The following BTRC variants were observed in gnomAD, a reference collection of about 807,000 sequenced individuals.
BTRC encodes F-box/WD repeat-containing protein 1A.
In BTRC, 42 loss-of-function variants were observed where a neutral mutation model predicts 85.5. That is an observed-to-expected ratio of 0.49 (90% CI 0.38 to 0.64). The LOEUF is 0.64. Ranked by LOEUF, BTRC falls within the 30% of genes least tolerant of loss-of-function variation. The pLI, the probability that BTRC is intolerant of heterozygous loss-of-function variation, is 0.00. For missense variants in BTRC, 594 were observed against 743.5 expected, an observed-to-expected ratio of 0.80 and a Z score of 2.34; for synonymous variants, 255 against 263.3, an observed-to-expected ratio of 0.97 and a Z score of 0.30.
chr10:101,416,647 C>T (rs1943954269), intron 1 of BTRC, among the ~76,000 whole-genome samples: 2 of 152,096 alleles, frequency 1.3e-5, no homozygotes, highest in Admixed American at 1.3e-4. Flanking sequence ...CATGAGACTG[C>T]TGAAATACAC....
chr10:101,363,769 G>A (rs77691531), intron 1 of BTRC, among the ~76,000 whole-genome samples: 10,118 of 152,228 alleles, frequency 0.066, 354 homozygotes, highest in Non-Finnish European at 0.074. Flanking sequence ...GATTTTGACA[G>A]ATATCTCTCT....
chr10:101,527,506 A>G (rs545662322), intron 6 of BTRC, among the ~76,000 whole-genome samples: 16 of 152,196 alleles, frequency 1.1e-4, no homozygotes, highest in Non-Finnish European at 2.2e-4. Flanking sequence ...TAATCCCAAC[A>G]GTTTTGGAGG....
At chr10:101,532,779 TGTGTGTGTGTGCGCGTGTGCGC>T (rs1391336183) in intron 8 of BTRC, among the ~76,000 whole-genome samples, 151 bp from the exon 9 acceptor site, 64 of 81,526 alleles carry the variant, frequency 7.9e-4, no homozygotes, top group South Asian at 1.5e-3. Context: ...TGTGTGTGTG[TGTGTGTGTGTGCGCGTGTGCGC>T]GCGCGCGCGC....
chr10:101,451,221 G>T (rs752390473), intron 2 of BTRC, among the ~76,000 whole-genome samples: 3 of 152,132 alleles, frequency 2.0e-5, no homozygotes, highest in Non-Finnish European at 4.4e-5. Context: ...GTATAATCAG[G>T]TTGATGTTTT....
At chr10:101,417,314 C>CT (rs1943973029) in intron 1 of BTRC, among the ~76,000 whole-genome samples, 1 of 152,180 alleles carries the variant, frequency 6.6e-6, no homozygotes, top group Admixed American at 6.5e-5. Context: ...GTTCTTCAGT[C>CT]TTTCCTTGGC....
chr10:101,534,556 T>C lies in BTRC; in HGVS notation c.1098-105T>C, dbSNP rs1452753820. 14 of 1,423,820 alleles carry C rather than the reference T, an allele frequency of 9.8e-6. No homozygotes were observed. In the East Asian group the frequency reaches 3.2e-4, roughly 33 times the overall value. 88.2% of individuals were successfully genotyped at this position (1,423,820 alleles called of 1,614,324 possible). ...CCCCTTCCTTCTCCCACTCTCCCAG[T>C]CTGGCCCTCTCTCTAAATATAAGGG... is the stretch of plus-strand genomic sequence containing the variant. On this transcript the variant is annotated intron_variant, in intron 9 of 14. Coordinates refer to ENST00000370187, the MANE Select transcript of BTRC (RefSeq NM_033637.4).
intron 1 of BTRC, among the ~76,000 whole-genome samples, chr10:101,368,951 G>A (rs538935117): frequency 2.0e-5 from 3 of 152,196 alleles, no homozygotes; most frequent in South Asian, 4.1e-4. Flanking sequence ...CCTGGGAGGC[G>A]GAGGTTGCAG....
intron 4 of BTRC, among the ~76,000 whole-genome samples, chr10:101,521,363 T>C (rs1257357273): frequency 6.6e-6 from 1 of 152,234 alleles, no homozygotes; most frequent in African/African-American, 2.4e-5. Flanking sequence ...TTGCTAGTAA[T>C]AACATGCTTT....
chr10:101,532,785 T>TGTGC (rs2062313239), intron 8 of BTRC, among the ~76,000 whole-genome samples, 167 bp from the exon 9 acceptor site: 1 of 34,258 alleles, frequency 2.9e-5, no homozygotes, highest in Admixed American at 2.7e-4. Context: ...TGTGTGTGTG[T>TGTGC]GTGTGCGCGT....
intron 3 of BTRC, among the ~76,000 whole-genome samples, chr10:101,471,855 A>T (rs1454452801): frequency 1.3e-5 from 2 of 152,170 alleles, no homozygotes; most frequent in Non-Finnish European, 2.9e-5. Context: ...TTTTTGAAGA[A>T]ATGTTTCCTG....
In BTRC at chr10:101,430,416, G is replaced by C; in HGVS notation, c.120G>C (p.Leu40=). Residue 40 remains leucine, a synonymous_variant, in exon 2 of 15, where the codon CTG becomes CTC. Coordinates refer to ENST00000370187, the MANE Select transcript of BTRC (RefSeq NM_033637.4). ...LADSMPSLRC[L]YNPGTGALTA... is the part of the protein sequence containing the mutation. ...ACAGCATGCCTTCGCTGCGATGCCT[G>C]TATAACCCAGGGACTGGCGCACTCA... 6.2e-7 allele frequency: 1 copy of C among 1,614,034 alleles called. No individual in the cohort carries two copies. Among genetic ancestry groups the C allele is most frequent in the Non-Finnish European group, 8.5e-7 (1 of 1,179,986 alleles).
At chr10:101,381,247 TATC>T (rs1395217944) in intron 1 of BTRC, among the ~76,000 whole-genome samples, 3 of 152,208 alleles carry the variant, frequency 2.0e-5, no homozygotes, top group Non-Finnish European at 2.9e-5. Flanking sequence ...GTATTATTAT[TATC>T]ATCCTGATTT....
chr10:101,538,174 C>A, intron 12 of BTRC, 119 bp from the exon 13 acceptor site: 1 of 823,426 alleles, frequency 1.2e-6, no homozygotes, highest in Non-Finnish European at 2.1e-6. Context: ...GTAGGTTAAT[C>A]ACGTACATTT....
At chr10:101,371,719 T>C (rs1162652986) in intron 1 of BTRC, among the ~76,000 whole-genome samples, 1 of 152,256 alleles carries the variant, frequency 6.6e-6, no homozygotes, top group African/African-American at 2.4e-5. Context: ...TATTTGTATA[T>C]GTTACAAGTA....
chr10:101,396,582 C>T (rs148764343), intron 1 of BTRC, among the ~76,000 whole-genome samples: 179 of 151,990 alleles, frequency 1.2e-3, no homozygotes, highest in East Asian at 0.01. Flanking sequence ...TGGTATAGAA[C>T]TATTTTCATT....
chr10:101,484,232 A>C (rs1328541598), intron 4 of BTRC, among the ~76,000 whole-genome samples: 1 of 152,040 alleles, frequency 6.6e-6, no homozygotes, highest in Non-Finnish European at 1.5e-5. Flanking sequence ...CTTTCCACTC[A>C]CTCCAGATTT....
chr10:101,424,047 T>C (rs1210570443), intron 1 of BTRC, among the ~76,000 whole-genome samples: 1 of 152,068 alleles, frequency 6.6e-6, no homozygotes, highest in East Asian at 1.9e-4. Context: ...CTGGCTAACA[T>C]GGAGAAACCC....
intron 3 of BTRC, 36 bp from the exon 4 acceptor site, chr10:101,479,332 T>C: frequency 6.6e-7 from 1 of 1,525,652 alleles, no homozygotes. Context: ...TATTTCAATA[T>C]TTTAAAAACC....
intron 4 of BTRC, among the ~76,000 whole-genome samples, chr10:101,502,641 CCTT>C (rs1372819660): frequency 8.5e-5 from 13 of 152,220 alleles, no homozygotes; most frequent in East Asian, 1.9e-4. Flanking sequence ...ATAGTAGCAT[CCTT>C]CTTGGTGAGA....
Sources: allele counts gnomAD v4.1 joint callset (sites outside exome capture counted in the v4.1 genomes callset), GRCh38; gene constraint gnomAD v4.1.1; transcripts MANE v1.5; gene names NCBI Gene and HGNC (gene_info 2026-07-23, HGNC 2026-07-21).